Variants in KLHL32 observed in about 807,000 individuals in gnomAD.
KLHL32 encodes the protein kelch-like protein 32.
Under a neutral mutation model 64.8 loss-of-function variants are expected in KLHL32, and 35 were observed. The ratio of observed to expected loss-of-function variants is 0.54; its 90% CI spans 0.41 to 0.72. The LOEUF (loss-of-function observed/expected upper bound fraction) is 0.72. Among genes scored for constraint, KLHL32 ranks in the 30% least tolerant of loss-of-function variants. The pLI, the probability that KLHL32 is intolerant of heterozygous loss-of-function variation, is 0.00. For missense variants in KLHL32, 589 were observed against 768.5 expected (o/e 0.77, Z 2.76); for synonymous variants, 259 against 281.0 (o/e 0.92, Z 0.78).
intron 3 of KLHL32, among the ~76,000 whole-genome samples, chr6:97,009,524 GA>G (rs771840651): frequency 6.6e-6 from 1 of 152,128 alleles, no homozygotes; most frequent in East Asian, 1.9e-4. Flanking sequence ...GAAATGTTTG[GA>G]AAGTTGTGTA....
At chr6:96,916,312 G>A in the KLHL32 span, among the ~76,000 whole-genome samples, 1 of 152,158 alleles carries the variant, frequency 6.6e-6, no homozygotes. Flanking sequence ...TTTCAATCTT[G>A]TCTACCTATT....
At chr6:97,062,540 T>C (rs564511821) in intron 4 of KLHL32, 1 of 152,378 alleles carries the variant, frequency 6.6e-6, no homozygotes, top group South Asian at 2.1e-4. Flanking sequence ...ACTTTTTCAC[T>C]TCTTTACTTT....
intron 3 of KLHL32, among the ~76,000 whole-genome samples, chr6:96,995,479 C>G (rs1037966469): frequency 3.9e-5 from 6 of 152,200 alleles, no homozygotes; most frequent in African/African-American, 1.2e-4. Flanking sequence ...ACTTTCCCTT[C>G]CTGCTAAGGT....
At chr6:97,122,452 A>G (rs947504462) in intron 7 of KLHL32, among the ~76,000 whole-genome samples, 4 of 152,196 alleles carry the variant, frequency 2.6e-5, no homozygotes, top group African/African-American at 9.6e-5. Flanking sequence ...GGACAGTCTA[A>G]TGTCATATAA....
At chr6:97,111,950 A>G (rs1393298528) in intron 6 of KLHL32, among the ~76,000 whole-genome samples, 6 of 151,166 alleles carry the variant, frequency 4.0e-5, no homozygotes, top group African/African-American at 1.5e-4. Flanking sequence ...AGTCTCTGAC[A>G]TTTAGCTGCT....
In KLHL32 at chr6:97,041,507, T is replaced by C. The variant is rs764963883; in HGVS notation, c.220T>C (p.Cys74Arg). ...CTCACCTCAGGCAATGTTCAGTCTTTGTATGGTGGAAAGTGGAGCTGATGA... is the reference window on the plus strand; with the variant it reads ...CTCACCTCAGGCAATGTTCAGTCTTCGTATGGTGGAAAGTGGAGCTGATGA... Reference protein sequence around the residue: ...SDYFRAMFSLCMVESGADEVN... With the variant: ...SDYFRAMFSLRMVESGADEVN... The change falls in exon 4 of 11, where the codon TGT becomes CGT. Residue 74 changes from cysteine (C) to arginine (R), a missense_variant. Transcript: ENST00000369261. 6.2e-7 allele frequency: 1 copy of C among 1,613,168 alleles called. No homozygotes were observed. The highest frequency in any genetic ancestry group is 1.1e-5 in the South Asian group (1 of 91,074).
intron 7 of KLHL32, among the ~76,000 whole-genome samples, chr6:97,118,319 T>G (rs749016615): frequency 2.5e-4 from 38 of 152,126 alleles, no homozygotes; most frequent in Non-Finnish European, 5.0e-4. Context: ...TACTTACATC[T>G]TGAGAATTGT....
At chr6:96,939,531 G>A (rs1441942824) in intron 1 of KLHL32, among the ~76,000 whole-genome samples, 2 of 152,180 alleles carry the variant, frequency 1.3e-5, no homozygotes, top group Non-Finnish European at 1.5e-5. Flanking sequence ...GGTTGATGAG[G>A]AAGCCTTCCC....
chr6:97,060,912 G>A (rs1788774003), intron 4 of KLHL32, among the ~76,000 whole-genome samples: 1 of 152,056 alleles, frequency 6.6e-6, no homozygotes, highest in Non-Finnish European at 1.5e-5. Context: ...TAGAGTTTCA[G>A]CATTTGGAAT....
chr6:96,994,434 T>A (rs1391907382), intron 3 of KLHL32: 42 of 894,316 alleles, frequency 4.7e-5, no homozygotes, highest in Non-Finnish European at 5.5e-5. Flanking sequence ...TTCCTTTTAG[T>A]GTGATATGTT....
At chr6:96,964,346 G>A (rs765061141) in intron 1 of KLHL32, among the ~76,000 whole-genome samples, 1 of 152,198 alleles carries the variant, frequency 6.6e-6, no homozygotes, top group Non-Finnish European at 1.5e-5. Flanking sequence ...TATGGTGAGA[G>A]AAACTTTTTA....
chr6:97,021,277 T>A (rs1781952895), intron 3 of KLHL32, among the ~76,000 whole-genome samples: 1 of 150,850 alleles, frequency 6.6e-6, no homozygotes, highest in South Asian at 2.1e-4. Flanking sequence ...CATCACCATG[T>A]AGTGAGGATA....
At chr6:96,955,566 A>G (rs771356818) in intron 1 of KLHL32, among the ~76,000 whole-genome samples, 23 of 152,208 alleles carry the variant, frequency 1.5e-4, no homozygotes, top group Non-Finnish European at 3.1e-4. Flanking sequence ...CAGTGCAAAC[A>G]TTTGAATGGA....
At chr6:97,083,002 C>G (rs1480409622) in intron 5 of KLHL32, among the ~76,000 whole-genome samples, 1 of 152,216 alleles carries the variant, frequency 6.6e-6, no homozygotes, top group Non-Finnish European at 1.5e-5. Context: ...CCCCCGCAAC[C>G]TACTGTGTAC....
the KLHL32 span, among the ~76,000 whole-genome samples, chr6:96,911,393 T>A: frequency 2.7e-5 from 4 of 150,400 alleles, no homozygotes; most frequent in East Asian, 5.8e-4. Flanking sequence ...CATTTTCAAC[T>A]TCCCCCCATG....
chr6:96,927,950 C>T (rs1281483654), intron 1 of KLHL32, among the ~76,000 whole-genome samples: 3 of 152,182 alleles, frequency 2.0e-5, no homozygotes, highest in Non-Finnish European at 4.4e-5. Flanking sequence ...CATCTTATTT[C>T]CATTTTACAG....
At chr6:96,968,391 CAAA>C (rs111931786) in intron 2 of KLHL32, among the ~76,000 whole-genome samples, 1 of 147,060 alleles carries the variant, frequency 6.8e-6, no homozygotes, top group South Asian at 2.1e-4. Flanking sequence ...AAAACAAAAA[CAAA>C]AAAAAAAACA....
At chr6:97,104,698 T>G (rs546540211) in intron 6 of KLHL32, among the ~76,000 whole-genome samples, 1 of 152,336 alleles carries the variant, frequency 6.6e-6, no homozygotes, top group South Asian at 2.1e-4. Context: ...GAAAGATCTG[T>G]CTTACAAGGA....
intron 1 of KLHL32, among the ~76,000 whole-genome samples, chr6:96,935,858 C>T (rs1324581840): frequency 6.6e-6 from 1 of 152,090 alleles, no homozygotes; most frequent in African/African-American, 2.4e-5. Flanking sequence ...ATAATATGAC[C>T]TTTTTCTACT....
Sources: allele counts gnomAD v4.1 joint callset (sites outside exome capture counted in the v4.1 genomes callset), GRCh38; gene constraint gnomAD v4.1.1; transcripts MANE v1.5; gene names NCBI Gene and HGNC (gene_info 2026-07-23, HGNC 2026-07-21).